ZNF223: variants seen among roughly 807,000 people sequenced by gnomAD.
ZNF223 encodes the protein zinc finger protein 223, also known as Homo sapiens zinc finger protein 223.
In ZNF223, 9 loss-of-function variants were observed where a neutral mutation model predicts 12.3. That is an observed-to-expected ratio of 0.73 (90% CI 0.44 to 1.28). The LOEUF is 1.28. Among genes scored for constraint, ZNF223 ranks in the 50% most tolerant of loss-of-function variants. The probability of loss-of-function intolerance (pLI) is 0.00; values close to 1 mark genes in which losing one functional copy is unlikely to be tolerated. For missense variants in ZNF223, 506 were observed against 579.0 expected (o/e 0.87, Z 1.29); for synonymous variants, 171 against 195.2 (o/e 0.88, Z 1.03).
intron 4 of ZNF223, among the ~76,000 whole-genome samples, chr19:44,062,419 C>T (rs1976854237): frequency 6.6e-6 from 1 of 152,156 alleles, no homozygotes; most frequent in Non-Finnish European, 1.5e-5. Flanking sequence ...TCCAGTTTTG[C>T]TCTTTGGAAC....
Position 44,067,639 on chromosome 19 carries a change from G to C in ZNF223, c.*362G>C. The C allele has an allele frequency of 2.5e-6, 1 of 406,652 alleles. No homozygotes were observed. Among genetic ancestry groups the C allele is most frequent in the East Asian group, 5.7e-5 (1 of 17,626 alleles). The allele number at this position is 406,652 out of a possible 1,614,324, so 25.2% of individuals were successfully genotyped here. A position where few individuals can be genotyped will look rare whatever the true frequency, so the allele number is the denominator to read the frequency against. On this transcript the variant is annotated 3_prime_UTR_variant, in exon 5 of 5. Coordinates refer to ENST00000434772, the MANE Select transcript of ZNF223 (RefSeq NM_013361.6). ...TGTGATTGAGGACAGTTTGAAGTTA[G>C]TGTTTCAGCCATAGCTCAGCATACC... is the stretch of plus-strand genomic sequence containing the variant.
chr19:44,060,217 G>T, intron 2 of ZNF223: 1 of 618,564 alleles, frequency 1.6e-6, no homozygotes, highest in Non-Finnish European at 2.7e-6. Flanking sequence ...TAAACTCAAT[G>T]AGTTCACTAA....
chr19:44,066,394 C>T lies in ZNF223; in HGVS notation c.566C>T (p.Ser189Leu). Residue 189 changes from serine (S) to leucine (L), a missense_variant, in exon 5 of 5, where the codon TCA (serine) becomes TTA (leucine). Ser to Leu is a moderately radical substitution (Grantham distance 145). Coordinates refer to ENST00000434772, the MANE Select transcript of ZNF223 (RefSeq NM_013361.6). ...DECGKSFCYI[S>L]ALHIHQRVHL... Reference sequence around the variant, plus strand: ...TGTGGAAAAAGCTTCTGTTACATCTCAGCGCTTCATATTCATCAGAGAGTC... The same window carrying T: ...TGTGGAAAAAGCTTCTGTTACATCTTAGCGCTTCATATTCATCAGAGAGTC... 6.2e-7 allele frequency: 1 copy of T among 1,614,210 alleles called. No homozygotes were observed. Among genetic ancestry groups the T allele is most frequent in the Non-Finnish European group, 8.5e-7 (1 of 1,180,040 alleles).
At chr19:44,061,195 C>T (rs1976834523) in intron 4 of ZNF223, among the ~76,000 whole-genome samples, 1 of 152,208 alleles carries the variant, frequency 6.6e-6, no homozygotes, top group Non-Finnish European at 1.5e-5. Context: ...CCTCATTCTC[C>T]ATCTTTTCTG....
At chr19:44,064,634 C>T (rs892297149) in intron 4 of ZNF223, among the ~76,000 whole-genome samples, 2 of 152,060 alleles carry the variant, frequency 1.3e-5, no homozygotes, top group African/African-American at 2.4e-5. Context: ...AGTGCAAATT[C>T]GGCAGTTTTT....
Position 44,060,909 on chromosome 19 carries a change from C to T in ZNF223, c.235+68C>T. ...CTGTTTTACTTCTGTGCACGTCCAA[C>T]TCCATTACCTTCTTCTAAATGGCCA... On this transcript the variant is annotated intron_variant, in intron 4 of 4. Transcript: ENST00000434772. 4 of 1,396,168 alleles carry T rather than the reference C, an allele frequency of 2.9e-6. No homozygotes were observed. In the Admixed American group the frequency reaches 7.4e-5, roughly 26 times the overall value. The allele number at this position is 1,396,168 out of a possible 1,614,324, so 86.5% of individuals were successfully genotyped here.
At chr19:44,058,684 G>GT (rs1976799506) in intron 2 of ZNF223, among the ~76,000 whole-genome samples, 1 of 152,238 alleles carries the variant, frequency 6.6e-6, no homozygotes, top group Admixed American at 6.5e-5. Context: ...GAGCACTTGT[G>GT]TTTTTTGAAC....
chr19:44,057,452 A>T (rs1976783772), intron 2 of ZNF223, among the ~76,000 whole-genome samples: 1 of 152,252 alleles, frequency 6.6e-6, no homozygotes, highest in African/African-American at 2.4e-5. Flanking sequence ...AAAATAGATC[A>T]TCAGTTCCCT....
intron 4 of ZNF223, among the ~76,000 whole-genome samples, chr19:44,061,453 T>G (rs1302916249): frequency 6.6e-6 from 1 of 152,322 alleles, no homozygotes; most frequent in East Asian, 1.9e-4. Context: ...CTGTCCACAC[T>G]CCGTGGCTCT....
intron 3 of ZNF223, 56 bp downstream of exon 3, chr19:44,060,637 C>G: frequency 6.2e-7 from 1 of 1,613,184 alleles, no homozygotes; most frequent in Non-Finnish European, 8.5e-7. Context: ...GGTTTTGTAT[C>G]CTAGGGTGTT....
chr19:44,064,280 T>G (rs955311440), intron 4 of ZNF223, among the ~76,000 whole-genome samples: 1 of 152,222 alleles, frequency 6.6e-6, no homozygotes, highest in Non-Finnish European at 1.5e-5. Flanking sequence ...GGCCTGTTTA[T>G]CTACATCATA....
Position 44,066,746 on chromosome 19 carries a change from T to C in ZNF223, c.918T>C (p.His306=), listed in dbSNP as rs1976921047. Residue 306 remains histidine (H), a synonymous_variant, in exon 5 of 5, where the codon CAT becomes CAC. Transcript: ENST00000434772. ...GTCTTAGGTCAAGTCTTAATAGGCA[T>C]TGTGTGGTCCACACAGGAAAGAAAC... ...SFRLRSSLNR[H]CVVHTGKKPN... The C allele has an allele frequency of 3.1e-6, 5 of 1,614,078 alleles. No homozygotes were observed. Among genetic ancestry groups the C allele is most frequent in the African/African-American group, 1.3e-5 (1 of 74,924 alleles).
At chr19:44,061,337 A>G (rs1976836510) in intron 4 of ZNF223, among the ~76,000 whole-genome samples, 1 of 152,218 alleles carries the variant, frequency 6.6e-6, no homozygotes, top group Admixed American at 6.5e-5. Flanking sequence ...TTAGGCCTGA[A>G]GTCTGACACA....
chr19:44,063,483 C>T (rs1976868080), intron 4 of ZNF223: 1 of 152,322 alleles, frequency 6.6e-6, no homozygotes, highest in Non-Finnish European at 1.5e-5. Flanking sequence ...CCTCTTGGCA[C>T]CTGGGTTCTT....
intron 4 of ZNF223, among the ~76,000 whole-genome samples, chr19:44,062,391 A>G (rs2147476627): frequency 6.6e-6 from 1 of 152,294 alleles, no homozygotes; most frequent in East Asian, 1.9e-4. Context: ...TCAACATAGG[A>G]CTCAGTGTGT....
chr19:44,066,026 A>G (rs1379664123), intron 4 of ZNF223, 38 bp from the exon 5 acceptor site: 1 of 1,543,240 alleles, frequency 6.5e-7, no homozygotes, highest in Admixed American at 2.1e-5. Context: ...TGAACAGGGC[A>G]TAGCTTGTCC....
Position 44,067,112 on chromosome 19 carries a change from C to T in ZNF223, c.1284C>T (p.Phe428=). The T allele has an allele frequency of 1.2e-6, 2 of 1,613,478 alleles. No individual in the cohort carries two copies. The highest frequency in any genetic ancestry group is 2.2e-5 in the South Asian group (2 of 90,876). The part of the protein sequence containing the change: ...HKRLHCRKKP[F]KCEDCGKKLV... The stretch of plus-strand genomic sequence containing the variant: ...GACTCCATTGCCGAAAAAAACCATT[C>T]AAATGTGAGGATTGTGGAAAGAAGC... Residue 428 remains phenylalanine (F), a synonymous_variant, in exon 5 of 5, where the codon TTC becomes TTT. Coordinates refer to ENST00000434772, the MANE Select transcript of ZNF223 (RefSeq NM_013361.6).
At chr19:44,065,938 A>G (rs1976903609) in intron 4 of ZNF223, 126 bp from the exon 5 acceptor site, 1 of 1,444,356 alleles carries the variant, frequency 6.9e-7, no homozygotes, top group Non-Finnish European at 9.1e-7. Context: ...ACCAGAAACC[A>G]GGGTGCACTT....
intron 4 of ZNF223, among the ~76,000 whole-genome samples, chr19:44,064,963 T>A (rs1452727745): frequency 6.6e-6 from 1 of 152,192 alleles, no homozygotes; most frequent in African/African-American, 2.4e-5. Flanking sequence ...AATTGGTTGG[T>A]TGATTCCTGT....
Sources: allele counts gnomAD v4.1 joint callset (sites outside exome capture counted in the v4.1 genomes callset), GRCh38; gene constraint gnomAD v4.1.1; transcripts MANE v1.5; gene names NCBI Gene and HGNC (gene_info 2026-07-23, HGNC 2026-07-21).